The following HPS1 variants were observed in gnomAD, a reference collection of about 807,000 sequenced individuals.
HPS1 encodes the protein HPS1 biogenesis of lysosomal organelles complex 3 subunit 1.
HPS1 carries 59 observed loss-of-function variants against 90.6 expected under a neutral mutation model. The ratio of observed to expected loss-of-function variants is 0.65; its 90% CI spans 0.53 to 0.81. HPS1 has a LOEUF of 0.81. Among genes scored for constraint, HPS1 ranks in the 30% least tolerant of loss-of-function variants. HPS1 has a pLI of 0.00. For synonymous variants in HPS1, 388 were observed against 384.4 expected, an observed-to-expected ratio of 1.01 and a Z score of -0.11; for missense variants, 849 against 896.7, an observed-to-expected ratio of 0.95 and a Z score of 0.68.
intron 16 of HPS1, 88 bp downstream of exon 16, chr10:98,423,514 TG>T: frequency 2.4e-6 from 3 of 1,226,640 alleles, no homozygotes; most frequent in Non-Finnish European, 3.6e-6. Flanking sequence ...CCCCCTTCCC[TG>T]GGGCCCATAG....
chr10:98,432,411 C>T (rs1846603894), intron 6 of HPS1, among the ~76,000 whole-genome samples: 3 of 152,162 alleles, frequency 2.0e-5, no homozygotes, highest in African/African-American at 7.2e-5. Context: ...TCTCTTTATT[C>T]CCATGGCCTG....
intron 17 of HPS1, among the ~76,000 whole-genome samples, chr10:98,421,844 A>G (rs1346673510): frequency 6.6e-6 from 1 of 152,194 alleles, no homozygotes; most frequent in Non-Finnish European, 1.5e-5. Flanking sequence ...CCAAAGCCAC[A>G]TAACTGGTGG....
chr10:98,433,849 ACT>A, intron 6 of HPS1, 132 bp downstream of exon 6: 2 of 1,306,928 alleles, frequency 1.5e-6, no homozygotes, highest in Non-Finnish European at 2.1e-6. Context: ...AGAAAGAACA[ACT>A]CTCTCTGAAT....
At chr10:98,433,698 G>C (rs1168680294) in intron 6 of HPS1, among the ~76,000 whole-genome samples, 1 of 152,162 alleles carries the variant, frequency 6.6e-6, no homozygotes, top group Non-Finnish European at 1.5e-5. Flanking sequence ...GGGAAAAGGA[G>C]GGGAGGGTTG....
intron 11 of HPS1, 64 bp from the exon 12 acceptor site, chr10:98,426,049 C>A: frequency 1.4e-6 from 2 of 1,417,788 alleles, no homozygotes; most frequent in Non-Finnish European, 2.0e-6. Flanking sequence ...CCATTGCGGC[C>A]CTATCTGTGA....
chr10:98,429,799 C>T lies in HPS1; in HGVS notation c.859G>A (p.Ala287Thr), dbSNP rs1846143915. Residue 287 changes from alanine to threonine, a missense_variant, in exon 9 of 20, where the codon GCA becomes ACA. Coordinates refer to ENST00000361490, the MANE Select transcript of HPS1 (RefSeq NM_000195.5). Reference protein sequence around the residue: ...HSTGPTGGSSAETETDSFSLP... With the variant: ...HSTGPTGGSSTETETDSFSLP... ...AAGTGCACAGCACACACCGTCTCTG[C>T]AGAGCTCCCCCCAGTTGGGCCCGTG... 2 of 1,613,778 alleles carry T rather than the reference C, an allele frequency of 1.2e-6. No individual in the cohort carries two copies. The highest frequency in any genetic ancestry group is 1.3e-5 in the African/African-American group (1 of 74,956).
At chr10:98,434,993 TGA>T in intron 5 of HPS1, 1 of 479,408 alleles carries the variant, frequency 2.1e-6, no homozygotes, top group South Asian at 2.0e-5. Context: ...AGCACTGGAC[TGA>T]GAGTCCTGAG....
chr10:98,421,979 G>GACACACACACACACACACACAC (rs200573934), intron 17 of HPS1, among the ~76,000 whole-genome samples: 5 of 139,936 alleles, frequency 3.6e-5, no homozygotes, highest in Non-Finnish European at 4.8e-5. Context: ...CACACACACA[G>GACACACACACACACACACACAC]ACACACACAC....
chr10:98,416,016 G>GA (rs1844059998), downstream of HPS1, among the ~76,000 whole-genome samples: 1 of 152,172 alleles, frequency 6.6e-6, no homozygotes, highest in Non-Finnish European at 1.5e-5. Flanking sequence ...CCCCTAGGAG[G>GA]AAAAAACCCC....
chr10:98,443,572 A>G (rs944223802), intron 2 of HPS1, among the ~76,000 whole-genome samples: 7 of 152,172 alleles, frequency 4.6e-5, no homozygotes, highest in Non-Finnish European at 8.8e-5. Context: ...CACGGGGCCT[A>G]CTGGAACCAG....
At chr10:98,424,026 C>T in intron 14 of HPS1, 139 bp from the exon 15 acceptor site, 3 of 1,171,546 alleles carry the variant, frequency 2.6e-6, no homozygotes, top group Non-Finnish European at 3.7e-6. Context: ...CACTCTTGTA[C>T]CCAGGACAGA....
chr10:98,440,260 A>C (rs1180041603), intron 3 of HPS1, among the ~76,000 whole-genome samples: 3 of 152,198 alleles, frequency 2.0e-5, no homozygotes, highest in Admixed American at 2.0e-4. Flanking sequence ...ATGGCTTTTG[A>C]CTCAACATTT....
intron 13 of HPS1, 99 bp from the exon 14 acceptor site, chr10:98,424,473 C>A: frequency 9.6e-7 from 1 of 1,046,182 alleles, no homozygotes; most frequent in East Asian, 2.5e-5. Context: ...GGGCACAGGG[C>A]CCCCAGACAA....
At chr10:98,431,785 T>A (rs553591189) in intron 6 of HPS1, among the ~76,000 whole-genome samples, 30 of 152,292 alleles carry the variant, frequency 2.0e-4, no homozygotes, top group African/African-American at 7.2e-4. Flanking sequence ...AAAGGCCCTA[T>A]GCATAATTTA....
Position 98,420,217 on chromosome 10 carries a change from T to C in HPS1, c.1744-59A>G, listed in dbSNP as rs77908858. The C allele has an allele frequency of 3.9e-3, 4,894 of 1,264,810 alleles. 129 individuals carry two copies. The African/African-American group carries it at 0.059, about 15-fold the overall frequency. The allele number at this position is 1,264,810 out of a possible 1,614,324, so 78.3% of individuals were successfully genotyped here. A position where few individuals can be genotyped will look rare whatever the true frequency, so the allele number is the denominator to read the frequency against. ...CAGCCTTGGTCTGCCTGGGCAGCTC[T>C]CACCTCCGAAGGAAGGAAAGGGCAC... is the stretch of plus-strand genomic sequence containing the variant. On this transcript the variant is annotated intron_variant, in intron 17 of 19. Transcript: ENST00000361490.
In HPS1 at chr10:98,423,876, G is replaced by A. The variant is rs768146409; in HGVS notation, c.1409C>T (p.Ala470Val). The A allele has an allele frequency of 2.2e-5, 35 of 1,613,746 alleles. 2 individuals are homozygous for A. The Admixed American group carries it at 5.0e-4, about 23-fold the overall frequency. Residue 470 changes from alanine (A) to valine (V), a missense_variant, in exon 15 of 20, where the codon GCA becomes GTA. Ala to Val is a moderately conservative substitution (Grantham distance 64). Transcript: ENST00000361490. ...EPGSSWELLQ[A>V]CGKLKRQLCA... ...GAGCTGCCGCTTCAGCTTCCCACAT[G>A]CCTGGAGCAGCCTGAGCACGAGAGA...
At chr10:98,441,394 G>T (rs1938394899) in intron 3 of HPS1, among the ~76,000 whole-genome samples, 1 of 152,056 alleles carries the variant, frequency 6.6e-6, no homozygotes, top group South Asian at 2.1e-4. Context: ...TAGATCATCA[G>T]ACCTGATATA....
rs753151155 is a variant in HPS1 at position 98,429,558 on chromosome 10, T to C, written c.937+15A>G. 2 of 1,614,180 alleles carry C rather than the reference T, an allele frequency of 1.2e-6. No individual in the cohort carries two copies. The highest frequency in any genetic ancestry group is 1.7e-6 in the Non-Finnish European group (2 of 1,180,022). On this transcript the variant is annotated intron_variant, in intron 10 of 19. Coordinates refer to ENST00000361490, the MANE Select transcript of HPS1 (RefSeq NM_000195.5). ...AGCTAGCTATTGTTTCCTCCTGCTT[T>C]CCTCCGGTCCTCACCTGAGCTCTGA...
Position 98,425,985 on chromosome 10 carries a change from T to A in HPS1, c.988A>T (p.Ile330Leu). ...GGTPPMDALQ[I>L]AEDTLQTLVP... The stretch of plus-strand genomic sequence containing the variant: ...AGTGTTTGGAGGGTGTCCTCTGCTA[T>A]CTACAGAGGAAGAAGAGCTGCAGTG... The change falls in exon 12 of 20, where the codon ATA becomes TTA. Residue 330 changes from isoleucine to leucine, a missense_variant and splice_region_variant. By Grantham distance (5) the Ile-to-Leu change is conservative (BLOSUM62 2). Transcript: ENST00000361490. 1 of 1,613,530 alleles carries A rather than the reference T, an allele frequency of 6.2e-7. No homozygotes were observed. The highest frequency in any genetic ancestry group is 8.5e-7 in the Non-Finnish European group (1 of 1,179,576).
Sources: allele counts gnomAD v4.1 joint callset (sites outside exome capture counted in the v4.1 genomes callset), GRCh38; gene constraint gnomAD v4.1.1; transcripts MANE v1.5; gene names NCBI Gene and HGNC (gene_info 2026-07-23, HGNC 2026-07-21).